PRDM4: variants seen among roughly 807,000 people sequenced by gnomAD.
The protein encoded by PRDM4 is PR domain zinc finger protein 4.
Under a neutral mutation model 62.3 loss-of-function variants are expected in PRDM4, and 38 were observed. The observed-to-expected ratio is 0.61, with a 90% CI of 0.47 to 0.80. The LOEUF (loss-of-function observed/expected upper bound fraction) is 0.80. Ranked by LOEUF, PRDM4 falls within the 30% of genes least tolerant of loss-of-function variation. PRDM4 has a pLI of 0.00. For missense variants in PRDM4, 858 were observed against 997.1 expected (o/e 0.86, Z 1.88); for synonymous variants, 339 against 348.2 (o/e 0.97, Z 0.30).
chr12:107,759,065 T>TG (rs1207682774), intron 2 of PRDM4, among the ~76,000 whole-genome samples: 2 of 152,188 alleles, frequency 1.3e-5, no homozygotes, highest in Non-Finnish European at 2.9e-5. Context: ...GCCCAGGACT[T>TG]GGAGACGTCC....
intron 3 of PRDM4, among the ~76,000 whole-genome samples, chr12:107,756,043 T>C (rs1484259605): frequency 2.6e-5 from 4 of 151,284 alleles, no homozygotes; most frequent in Non-Finnish European, 4.4e-5. Context: ...TGAGCCGAGA[T>C]CGTGCCATTG....
At position 107,752,159 on chromosome 12, in the gene PRDM4, T is replaced by C. The variant is rs1159633727; in HGVS notation, c.382A>G (p.Asn128Asp). The C allele has an allele frequency of 6.3e-7, 1 of 1,599,298 alleles. No homozygotes were observed. The highest frequency in any genetic ancestry group is 8.6e-7 in the Non-Finnish European group (1 of 1,166,660). ...GTATTACCATCAACATTTATAGAGT[T>C]AGGGTGGATGTACTGTGGAGGTGGT... ...DRPPPQYIHP[N>D]SINVDGNTAL... Residue 128 changes from asparagine to aspartate, a missense_variant, in exon 5 of 12, where the codon AAC becomes GAC. Coordinates refer to ENST00000228437, the MANE Select transcript of PRDM4 (RefSeq NM_012406.4).
At chr12:107,734,883 C>T (rs1215609086) in intron 11 of PRDM4, among the ~76,000 whole-genome samples, 1 of 152,204 alleles carries the variant, frequency 6.6e-6, no homozygotes, top group Non-Finnish European at 1.5e-5. Flanking sequence ...TACACCACAA[C>T]TTATCTATGG....
At chr12:107,736,172 A>T (rs2136306203) in intron 11 of PRDM4, among the ~76,000 whole-genome samples, 1 of 152,342 alleles carries the variant, frequency 6.6e-6, no homozygotes, top group Non-Finnish European at 1.5e-5. Flanking sequence ...TGCTAGGGCT[A>T]TAGGATGTGG....
chr12:107,742,282 T>C lies in PRDM4; in HGVS notation c.1548A>G (p.Gln516=). 6.2e-7 allele frequency: 1 copy of C among 1,613,394 alleles called. No homozygotes were observed. Among genetic ancestry groups the C allele is most frequent in the Non-Finnish European group, 8.5e-7 (1 of 1,179,410 alleles). Residue 516 remains glutamine (Q), a synonymous_variant, in exon 9 of 12, where the codon CAA becomes CAG. Transcript: ENST00000228437. ...GCAGTTCATTTTCAGGAGGGATATC[T>C]TGTGAGGTGCAGAAAAAGATTTTTC... is the stretch of plus-strand genomic sequence containing the variant. The part of the protein sequence containing the change: ...HDGKIFFCTS[Q]DIPPENELLF...
At chr12:107,735,005 T>C (rs1890283505) in intron 11 of PRDM4, among the ~76,000 whole-genome samples, 1 of 152,160 alleles carries the variant, frequency 6.6e-6, no homozygotes, top group African/African-American at 2.4e-5. Flanking sequence ...TTATTATTTT[T>C]TAGAGACAGG....
At chr12:107,734,639 C>A in intron 11 of PRDM4, 117 bp from the exon 12 acceptor site, 1 of 947,190 alleles carries the variant, frequency 1.1e-6, no homozygotes, top group Non-Finnish European at 1.6e-6. Flanking sequence ...CTGAATCAGG[C>A]TTTTGCATAG....
intron 4 of PRDM4, among the ~76,000 whole-genome samples, chr12:107,753,549 G>A (rs1385667933): frequency 6.6e-6 from 1 of 152,104 alleles, no homozygotes; most frequent in East Asian, 1.9e-4. Flanking sequence ...TCCGCAATAA[G>A]CATATAATAC....
intron 9 of PRDM4, 114 bp downstream of exon 9, chr12:107,742,107 C>T: frequency 1.7e-6 from 2 of 1,183,580 alleles, no homozygotes; most frequent in East Asian, 2.6e-5. Flanking sequence ...TGCATTTATA[C>T]AAACAAAGGT....
intron 11 of PRDM4, among the ~76,000 whole-genome samples, chr12:107,735,038 G>A (rs1311745994): frequency 6.6e-6 from 1 of 151,972 alleles, no homozygotes; most frequent in Admixed American, 6.6e-5. Context: ...TGCCCAGACT[G>A]GAGTGCAATG....
intron 2 of PRDM4, 57 bp downstream of exon 2, chr12:107,760,448 T>TC (rs1891204803): frequency 6.2e-7 from 1 of 1,608,502 alleles, no homozygotes; most frequent in African/African-American, 1.3e-5. Flanking sequence ...CCCTGGACAC[T>TC]CACTCGCCAG....
intron 6 of PRDM4, 89 bp from the exon 7 acceptor site, chr12:107,744,750 T>C: frequency 6.5e-7 from 1 of 1,530,806 alleles, no homozygotes. Flanking sequence ...CAAAGAATCT[T>C]ATTTTCAATG....
chr12:107,761,005 T>G lies in PRDM4; in HGVS notation c.-305A>C, dbSNP rs1030774768. ...CGCGCCTGCCCCACTGCTTTGTTCC[T>G]CATCCGGGCAGAGTTCGCCTCGGGG... On this transcript the variant is annotated 5_prime_UTR_variant, in exon 1 of 12. Coordinates refer to ENST00000228437, the MANE Select transcript of PRDM4 (RefSeq NM_012406.4). 2 of 150,188 alleles carry G rather than the reference T, an allele frequency of 1.3e-5. No homozygotes were observed. Among genetic ancestry groups the G allele is most frequent in the Non-Finnish European group, 3.0e-5 (2 of 67,558 alleles). 9.3% of individuals were successfully genotyped at this position (150,188 alleles called of 1,614,324 possible). A position where few individuals can be genotyped will look rare whatever the true frequency, so the allele number is the denominator to read the frequency against.
Position 107,741,253 on chromosome 12 carries a change from A to C in PRDM4, c.1617T>G (p.Pro539=). 6.2e-7 allele frequency: 1 copy of C among 1,600,820 alleles called. No homozygotes were observed. Among genetic ancestry groups the C allele is most frequent in the Non-Finnish European group, 8.5e-7 (1 of 1,171,090 alleles). ...SRDYAQQIGV[P]EHPDVHLCNC... ...TACAGAGATGCACATCTGGGTGTTC[A>C]GGAACACCTTTTAAAAAAAAATTAC... is the stretch of plus-strand genomic sequence containing the variant. The change falls in exon 10 of 12, where the codon CCT becomes CCG. Residue 539 remains proline (P), a synonymous_variant. Coordinates refer to ENST00000228437, the MANE Select transcript of PRDM4 (RefSeq NM_012406.4).
chr12:107,733,176 A>G lies in PRDM4; in HGVS notation c.*1034T>C, dbSNP rs981684063. ...ATTCAGCCTTCTTTACCTTCCAAAA[A>G]TCCTTTGGCATCTTCCATGCTTCTC... On this transcript the variant is annotated 3_prime_UTR_variant, in exon 12 of 12. Coordinates refer to ENST00000228437, the MANE Select transcript of PRDM4 (RefSeq NM_012406.4). 6.6e-6 allele frequency: 1 copy of G among 152,208 alleles called. No individual in the cohort carries two copies. Among genetic ancestry groups the G allele is most frequent in the African/African-American group, 2.4e-5 (1 of 41,432 alleles). The allele number at this position is 152,208 out of a possible 1,614,324, so 9.4% of individuals were successfully genotyped here. A position where few individuals can be genotyped will look rare whatever the true frequency, so the allele number is the denominator to read the frequency against.
chr12:107,752,578 T>C (rs1205874369), intron 4 of PRDM4, among the ~76,000 whole-genome samples: 4 of 151,968 alleles, frequency 2.6e-5, no homozygotes, highest in Non-Finnish European at 5.9e-5. Context: ...AAAATAAAAC[T>C]TAATTAAATA....
chr12:107,742,629 T>TA, intron 8 of PRDM4: 2 of 392,360 alleles, frequency 5.1e-6, no homozygotes, highest in Middle Eastern at 7.0e-4. Context: ...TAAAAAACAG[T>TA]ATGACAAAGA....
At chr12:107,757,739 A>C (rs1891106768) in intron 2 of PRDM4, among the ~76,000 whole-genome samples, 1 of 147,138 alleles carries the variant, frequency 6.8e-6, no homozygotes, top group South Asian at 2.2e-4. Context: ...AACTGCACCA[A>C]ACTTTTTTTT....
Position 107,741,325 on chromosome 12 carries a change from A to G in PRDM4, c.1610-65T>C, listed in dbSNP as rs1035980586. 1.0e-5 allele frequency: 14 copies of G among 1,402,272 alleles called. No homozygotes were observed. The Admixed American group carries it at 1.1e-4, about 11-fold the overall frequency. 86.9% of individuals were successfully genotyped at this position (1,402,272 alleles called of 1,614,324 possible). On this transcript the variant is annotated intron_variant, in intron 9 of 11. Coordinates refer to ENST00000228437, the MANE Select transcript of PRDM4 (RefSeq NM_012406.4). ...ATCTTAAAACTTGTTCTTGATATTA[A>G]CAATCATTGCTTCCAGTTCTCCTTT... is the stretch of plus-strand genomic sequence containing the variant.
Sources: allele counts gnomAD v4.1 joint callset (sites outside exome capture counted in the v4.1 genomes callset), GRCh38; gene constraint gnomAD v4.1.1; transcripts MANE v1.5; gene names NCBI Gene and HGNC (gene_info 2026-07-23, HGNC 2026-07-21).